Variants in GAN observed in about 807,000 individuals in gnomAD.
The protein encoded by GAN is gigaxonin, also known as epididymis secretory sperm binding protein.
Under a neutral mutation model 71.3 loss-of-function variants are expected in GAN, and 48 were observed. The observed-to-expected ratio is 0.67, with a 90% CI of 0.53 to 0.86. GAN has a LOEUF of 0.86. GAN is among the 40% of genes least tolerant of loss of function. The pLI is 0.00. For synonymous variants in GAN, 386 were observed against 276.8 expected, an observed-to-expected ratio of 1.39 and a Z score of -3.92; for missense variants, 928 against 770.1, an observed-to-expected ratio of 1.21 and a Z score of -2.43.
intron 3 of GAN, among the ~76,000 whole-genome samples, chr16:81,355,596 C>T (rs1443116460): frequency 6.6e-6 from 1 of 152,194 alleles, no homozygotes; most frequent in African/African-American, 2.4e-5. Context: ...CTCCTGTGCT[C>T]AAGCAATCCT....
At chr16:81,333,652 T>C (rs1482232514) in intron 1 of GAN, among the ~76,000 whole-genome samples, 1 of 152,164 alleles carries the variant, frequency 6.6e-6, no homozygotes, top group Non-Finnish European at 1.5e-5. Context: ...AAGTCTATGG[T>C]TAGAAGTAAA....
At position 81,379,536 on chromosome 16, in the gene GAN, C is replaced by T. The variant is rs1342405588; in HGVS notation, c.*1940C>T. 2 of 152,192 alleles carry T rather than the reference C, an allele frequency of 1.3e-5. No individual in the cohort carries two copies. The highest frequency in any genetic ancestry group is 6.5e-5 in the Admixed American group (1 of 15,286). The allele number at this position is 152,192 out of a possible 1,614,324, so 9.4% of individuals were successfully genotyped here. A position where few individuals can be genotyped will look rare whatever the true frequency, so the allele number is the denominator to read the frequency against. On this transcript the variant is annotated 3_prime_UTR_variant, in exon 11 of 11. Transcript: ENST00000648994. ...TGTTGTCTGCACATTTTCGTAGTGA[C>T]AGTGTGGAGATCTTTTTAATGAAAG...
chr16:81,343,968 C>T (rs1322358790), intron 1 of GAN, among the ~76,000 whole-genome samples: 1 of 152,090 alleles, frequency 6.6e-6, no homozygotes, highest in East Asian at 1.9e-4. Context: ...TGCTATACAC[C>T]AATAACAGAC....
Position 81,384,154 on chromosome 16 carries a change from G to A in GAN, c.*6558G>A, listed in dbSNP as rs894006225. 1.3e-5 allele frequency: 2 copies of A among 152,122 alleles called. No individual in the cohort carries two copies. Among genetic ancestry groups the A allele is most frequent in the African/African-American group, 2.4e-5 (1 of 41,496 alleles). The allele number at this position is 152,122 out of a possible 1,614,324, so 9.4% of individuals were successfully genotyped here. ...GTTTATAGGAAAAACTCTGTTCTCAGCTACCTCATTATGTAGTATTGTGCT... is the reference window on the plus strand; with the variant it reads ...GTTTATAGGAAAAACTCTGTTCTCAACTACCTCATTATGTAGTATTGTGCT... On this transcript the variant is annotated 3_prime_UTR_variant, in exon 11 of 11. Transcript: ENST00000648994.
chr16:81,369,855 C>T (rs62046501), intron 9 of GAN, among the ~76,000 whole-genome samples: 43 of 152,356 alleles, frequency 2.8e-4, no homozygotes, highest in Non-Finnish European at 3.8e-4. Context: ...CAGGCATGAG[C>T]CACCGCGCCC....
chr16:81,380,728 G>A lies in GAN; in HGVS notation c.*3132G>A, dbSNP rs1253180970. ...CTACTGTGTCGAACTCATATTGAGT[G>A]TAAATATTGAAATATTTGTAGTTTA... On this transcript the variant is annotated 3_prime_UTR_variant, in exon 11 of 11. Transcript: ENST00000648994. 2.0e-5 allele frequency: 3 copies of A among 152,180 alleles called. No homozygotes were observed. Among genetic ancestry groups the A allele is most frequent in the South Asian group, 4.1e-4 (2 of 4,826 alleles). The allele number at this position is 152,180 out of a possible 1,614,324, so 9.4% of individuals were successfully genotyped here. A position where few individuals can be genotyped will look rare whatever the true frequency, so the allele number is the denominator to read the frequency against.
intron 1 of GAN, among the ~76,000 whole-genome samples, chr16:81,315,543 C>G (rs1056521599): frequency 2.6e-5 from 4 of 152,038 alleles, no homozygotes; most frequent in African/African-American, 9.7e-5. Flanking sequence ...ACCCGGGCCG[C>G]GATCCCCCGC....
At chr16:81,356,028 G>A (rs1597402365) in intron 3 of GAN, among the ~76,000 whole-genome samples, 1 of 152,170 alleles carries the variant, frequency 6.6e-6, no homozygotes, top group African/African-American at 2.4e-5. Flanking sequence ...GGGACATGCT[G>A]CTCCTTGCCA....
chr16:81,334,285 T>C (rs1186524635), intron 1 of GAN, among the ~76,000 whole-genome samples: 1 of 152,162 alleles, frequency 6.6e-6, no homozygotes, highest in Non-Finnish European at 1.5e-5. Context: ...CGGGGAAGGA[T>C]AGGACTGTGG....
intron 1 of GAN, among the ~76,000 whole-genome samples, chr16:81,331,628 C>T (rs1373978033): frequency 3.3e-5 from 5 of 152,212 alleles, no homozygotes; most frequent in African/African-American, 9.6e-5. Context: ...CCTTCAGGAA[C>T]GGCTCTTCCC....
intron 1 of GAN, among the ~76,000 whole-genome samples, chr16:81,329,813 C>T (rs1357621197): frequency 6.6e-6 from 1 of 152,272 alleles, no homozygotes; most frequent in Non-Finnish European, 1.5e-5. Context: ...CTGTCTCCCA[C>T]GGTGATCTCA....
Position 81,354,424 on chromosome 16 carries a change from C to A in GAN, c.302C>A (p.Thr101Lys), listed in dbSNP as rs769446654. 1.9e-6 allele frequency: 3 copies of A among 1,610,282 alleles called. No individual in the cohort carries two copies. The highest frequency in any genetic ancestry group is 8.5e-7 in the Non-Finnish European group (1 of 1,176,538). The change falls in exon 3 of 11, where the codon ACA (threonine) becomes AAA (lysine). Residue 101 changes from threonine (T) to lysine (K), a missense_variant. Transcript: ENST00000648994. ...FSGQIRLNED[T>K]IQDVVQAADL... ...TTTTAGATCAGGCTAAATGAAGATA[C>A]AATCCAAGATGTTGTTCAGGCAGCT...
At chr16:81,370,403 A>C (rs1298542253) in intron 9 of GAN, among the ~76,000 whole-genome samples, 1 of 152,222 alleles carries the variant, frequency 6.6e-6, no homozygotes, top group East Asian at 1.9e-4. Flanking sequence ...GAACAGGGAA[A>C]ATGTAATATA....
intron 5 of GAN, among the ~76,000 whole-genome samples, chr16:81,358,364 C>G (rs1910560439): frequency 6.6e-6 from 1 of 152,120 alleles, no homozygotes; most frequent in South Asian, 2.1e-4. Flanking sequence ...CCTGTAATCC[C>G]CGCAGTTTAG....
intron 5 of GAN, among the ~76,000 whole-genome samples, chr16:81,359,643 A>G (rs1049398006): frequency 1.9e-4 from 29 of 152,112 alleles, no homozygotes; most frequent in African/African-American, 7.0e-4. Flanking sequence ...TTTAAAATGC[A>G]TTATCACTAA....
At chr16:81,337,217 A>G (rs911088659) in intron 1 of GAN, among the ~76,000 whole-genome samples, 2 of 152,196 alleles carry the variant, frequency 1.3e-5, no homozygotes, top group Admixed American at 6.5e-5. Flanking sequence ...AAGAGGCTAC[A>G]CAGGCCCCTC....
At chr16:81,346,873 T>C (rs1432056647) in intron 1 of GAN, among the ~76,000 whole-genome samples, 1 of 152,140 alleles carries the variant, frequency 6.6e-6, no homozygotes, top group East Asian at 1.9e-4. Flanking sequence ...CTCCAGTGTC[T>C]CTCCAGTGCC....
intron 5 of GAN, among the ~76,000 whole-genome samples, chr16:81,361,884 G>A (rs1170757749): frequency 6.6e-6 from 1 of 152,166 alleles, no homozygotes; most frequent in Non-Finnish European, 1.5e-5. Context: ...TTGTAGAGAT[G>A]AAGTCTTGCT....
At chr16:81,356,655 G>C (rs1260751843) in intron 3 of GAN, 130 bp from the exon 4 acceptor site, 1 of 767,576 alleles carries the variant, frequency 1.3e-6, no homozygotes, top group Non-Finnish European at 2.4e-6. Flanking sequence ...CAGCACGAGT[G>C]TGTCTCACTT....
Sources: allele counts gnomAD v4.1 joint callset (sites outside exome capture counted in the v4.1 genomes callset), GRCh38; gene constraint gnomAD v4.1.1; transcripts MANE v1.5; gene names NCBI Gene and HGNC (gene_info 2026-07-23, HGNC 2026-07-21).